The following HIBADH variants were observed in gnomAD, a reference collection of about 807,000 sequenced individuals.
The protein encoded by HIBADH is 3-hydroxyisobutyrate dehydrogenase, mitochondrial.
In HIBADH, 25 loss-of-function variants were observed where a neutral mutation model predicts 36.1. That is an observed-to-expected ratio of 0.69 (90% CI 0.50 to 0.97). HIBADH has a LOEUF of 0.97. HIBADH is among the 50% of genes least tolerant of loss of function. The pLI, the probability that HIBADH is intolerant of heterozygous loss-of-function variation, is 0.00. For missense variants in HIBADH, 421 were observed against 418.0 expected (o/e 1.01, Z -0.06); for synonymous variants, 160 against 149.5 (o/e 1.07, Z -0.51).
At chr7:27,643,520 A>C (rs934900045) in intron 2 of HIBADH, among the ~76,000 whole-genome samples, 1 of 152,252 alleles carries the variant, frequency 6.6e-6, no homozygotes, top group African/African-American at 2.4e-5. Flanking sequence ...TCCTTCATAC[A>C]TGTGGAAACA....
chr7:27,543,377 G>A (rs943319628), intron 4 of HIBADH, among the ~76,000 whole-genome samples: 2 of 152,016 alleles, frequency 1.3e-5, no homozygotes, highest in African/African-American at 4.8e-5. Flanking sequence ...AACAGATAAG[G>A]GAACTTAAAA....
At chr7:27,638,308 C>CAAAAAAAAAAAAGAAAAAAAAAAAA (rs1785885630) in intron 2 of HIBADH, among the ~76,000 whole-genome samples, 1 of 55,472 alleles carries the variant, frequency 1.8e-5, no homozygotes, top group Non-Finnish European at 3.2e-5. Flanking sequence ...TTGGCAAAGT[C>CAAAAAAAAAAAAGAAAAAAAAAAAA]AAAAAAAAAA....
At chr7:27,653,778 G>A (rs568266135) in intron 1 of HIBADH, among the ~76,000 whole-genome samples, 55 of 152,018 alleles carry the variant, frequency 3.6e-4, no homozygotes, top group African/African-American at 1.2e-3. Context: ...TTCAGTGATA[G>A]GATGAGAAAA....
At chr7:27,582,818 A>T (rs1179083156) in intron 4 of HIBADH, among the ~76,000 whole-genome samples, 1 of 152,116 alleles carries the variant, frequency 6.6e-6, no homozygotes, top group Admixed American at 6.6e-5. Flanking sequence ...CCTTACAGTC[A>T]GCCAGGCTCA....
At chr7:27,601,940 A>G (rs756356849) in intron 4 of HIBADH, among the ~76,000 whole-genome samples, 2 of 152,050 alleles carry the variant, frequency 1.3e-5, no homozygotes, top group Non-Finnish European at 2.9e-5. Flanking sequence ...GAATGGTGTG[A>G]TATCGATAGA....
chr7:27,541,051 ACAGTAGAG>A (rs1784142457), intron 5 of HIBADH, among the ~76,000 whole-genome samples: 1 of 152,122 alleles, frequency 6.6e-6, no homozygotes, highest in Non-Finnish European at 1.5e-5. Flanking sequence ...TTTGTACAAA[ACAGTAGAG>A]TTAGCCTATC....
intron 4 of HIBADH, among the ~76,000 whole-genome samples, chr7:27,599,277 AT>A (rs1199184942): frequency 6.6e-6 from 1 of 152,202 alleles, no homozygotes; most frequent in Non-Finnish European, 1.5e-5. Flanking sequence ...ATGAAAGAAC[AT>A]TTTTTAAAGG....
intron 4 of HIBADH, among the ~76,000 whole-genome samples, chr7:27,577,322 CCTGA>C (rs1336154835): frequency 6.9e-6 from 1 of 145,302 alleles, no homozygotes; most frequent in African/African-American, 2.7e-5. Context: ...CGCCACCACA[CCTGA>C]CTTATTTTTT....
intron 4 of HIBADH, among the ~76,000 whole-genome samples, chr7:27,576,332 GTTCTA>G (rs1289498036): frequency 3.9e-5 from 6 of 152,188 alleles, no homozygotes; most frequent in South Asian, 4.1e-4. Context: ...CTTTGGCAAT[GTTCTA>G]TTCTAATGAT....
intron 4 of HIBADH, among the ~76,000 whole-genome samples, chr7:27,625,154 C>T (rs1475977609): frequency 2.0e-5 from 3 of 152,284 alleles, no homozygotes; most frequent in Middle Eastern, 3.4e-3. Context: ...CAGGGGCTGA[C>T]ATTTAATCTA....
chr7:27,566,010 C>G (rs917366688), intron 4 of HIBADH, among the ~76,000 whole-genome samples: 6 of 152,048 alleles, frequency 3.9e-5, no homozygotes, highest in South Asian at 2.1e-4. Context: ...GATTTGCATT[C>G]TAAGATAAAT....
At chr7:27,528,049 C>G (rs544778893) in intron 7 of HIBADH, among the ~76,000 whole-genome samples, 1 of 151,580 alleles carries the variant, frequency 6.6e-6, no homozygotes, top group African/African-American at 2.4e-5. Context: ...AGGCATGAGC[C>G]ACTGTGCCCA....
chr7:27,640,376 A>C (rs1021183373), intron 2 of HIBADH, among the ~76,000 whole-genome samples: 2 of 152,064 alleles, frequency 1.3e-5, no homozygotes, highest in Non-Finnish European at 2.9e-5. Context: ...ACAAAAATAC[A>C]AAAATTGGCT....
chr7:27,576,936 G>A (rs1169065037), intron 4 of HIBADH, among the ~76,000 whole-genome samples: 2 of 151,910 alleles, frequency 1.3e-5, no homozygotes, highest in South Asian at 2.1e-4. Flanking sequence ...CTATACACAC[G>A]GGACACACTG....
At chr7:27,624,195 A>G (rs963110900) in intron 4 of HIBADH, among the ~76,000 whole-genome samples, 3 of 11,774 alleles carry the variant, frequency 2.5e-4, no homozygotes, top group African/African-American at 1.1e-3. Flanking sequence ...ACAATATCAG[A>G]AAAAAAAAAA....
At position 27,529,252 on chromosome 7, in the gene HIBADH, C is replaced by G. The variant is rs374830843; in HGVS notation, c.852+1940G>C. ...AACATCCATTCTGTAGCCCATGGAT[C>G]AAAGAGTCATTTTTCAACTCTTATG... is the stretch of plus-strand genomic sequence containing the variant. On this transcript the variant is annotated intron_variant, in intron 7 of 7. Transcript: ENST00000265395. Among the ~76,000 whole-genome samples, 3 of 152,110 alleles carry G rather than the reference C, an allele frequency of 2.0e-5. No homozygotes were observed. The East Asian group carries it at 5.8e-4, about 29-fold the overall frequency.
At chr7:27,625,795 G>A (rs1397350881) in intron 4 of HIBADH, among the ~76,000 whole-genome samples, 1 of 151,950 alleles carries the variant, frequency 6.6e-6, no homozygotes, top group Non-Finnish European at 1.5e-5. Context: ...CGTGATGTGG[G>A]CTCTGATAAA....
chr7:27,565,295 T>C (rs1286861685), intron 4 of HIBADH, among the ~76,000 whole-genome samples: 1 of 152,194 alleles, frequency 6.6e-6, no homozygotes, highest in Non-Finnish European at 1.5e-5. Context: ...TTTCCTTCTG[T>C]TCCTTCTGCC....
At chr7:27,618,353 C>A (rs1785470916) in intron 4 of HIBADH, among the ~76,000 whole-genome samples, 1 of 152,280 alleles carries the variant, frequency 6.6e-6, no homozygotes, top group East Asian at 1.9e-4. Context: ...CTGCTATAGA[C>A]GGCAGAAAAG....
Sources: allele counts gnomAD v4.1 joint callset (sites outside exome capture counted in the v4.1 genomes callset), GRCh38; gene constraint gnomAD v4.1.1; transcripts MANE v1.5; gene names NCBI Gene and HGNC (gene_info 2026-07-23, HGNC 2026-07-21).